SDCBP: variants seen among roughly 807,000 people sequenced by gnomAD.
SDCBP encodes the protein syndecan binding protein.
A neutral mutation model predicts 30.5 loss-of-function variants in SDCBP; 22 were observed. The observed-to-expected ratio is 0.72, with a 90% confidence interval of 0.52 to 1.03. The LOEUF (loss-of-function observed/expected upper bound fraction) is 1.03, where lower values mean the gene tolerates loss of function less well. SDCBP is among the 50% of genes least tolerant of loss of function. SDCBP has a pLI of 0.00. For missense variants in SDCBP, 304 were observed against 369.9 expected, an observed-to-expected ratio of 0.82 and a Z score of 1.46; for synonymous variants, 103 against 118.7, an observed-to-expected ratio of 0.87 and a Z score of 0.86.
At chr8:58,578,807 A>G (rs1382709788) in intron 6 of SDCBP, among the ~76,000 whole-genome samples, 1 of 152,184 alleles carries the variant, frequency 6.6e-6, no homozygotes, top group Non-Finnish European at 1.5e-5. Context: ...TTCTCAGTGA[A>G]ACTTCTGTTT....
At chr8:58,566,324 C>G (rs1304537957) in intron 2 of SDCBP, among the ~76,000 whole-genome samples, 1 of 152,010 alleles carries the variant, frequency 6.6e-6, no homozygotes, top group Non-Finnish European at 1.5e-5. Context: ...CTAATCTGTT[C>G]TTTGTTTTCA....
chr8:58,572,359 T>A, intron 4 of SDCBP, 45 bp downstream of exon 4: 2 of 1,255,154 alleles, frequency 1.6e-6, no homozygotes, highest in Non-Finnish European at 2.3e-6. Flanking sequence ...AATCATACTT[T>A]ACATGTTAGT....
At chr8:58,573,956 T>C (rs2129608112) in intron 4 of SDCBP, among the ~76,000 whole-genome samples, 1 of 152,262 alleles carries the variant, frequency 6.6e-6, no homozygotes, top group African/African-American at 2.4e-5. Context: ...AAATCAAAGT[T>C]CAAACTTTAT....
chr8:58,568,780 A>C (rs973559598), intron 2 of SDCBP, among the ~76,000 whole-genome samples: 22 of 152,218 alleles, frequency 1.4e-4, no homozygotes, highest in Admixed American at 1.4e-3. Context: ...ACATGACTGT[A>C]TACCATTGTA....
rs1804855417 is a variant in SDCBP at position 58,568,855 on chromosome 8, GA to G, written c.52-2029del. On this transcript the variant is annotated intron_variant, in intron 2 of 8. Transcript: ENST00000260130. ...AATGCCTGTTCTTCCTTCCCTTCTA[GA>G]AACTCCTGGCAACCAATAATTTGCT... 3.3e-5 allele frequency among the ~76,000 whole-genome samples: 5 copies of G among 152,070 alleles called. No homozygotes were observed. The South Asian group carries it at 1.0e-3, about 32-fold the overall frequency.
At chr8:58,570,337 T>C (rs1563510374) in intron 2 of SDCBP, among the ~76,000 whole-genome samples, 1 of 152,184 alleles carries the variant, frequency 6.6e-6, no homozygotes, top group Non-Finnish European at 1.5e-5. Context: ...ATGTCAGTGA[T>C]AAACTGTGCT....
rs1805753856 is a variant in SDCBP, at chr8:58,582,574, G to A, written c.*834G>A. On this transcript the variant is annotated 3_prime_UTR_variant, in exon 9 of 9. Coordinates refer to ENST00000260130, the MANE Select transcript of SDCBP (RefSeq NM_005625.4). The stretch of plus-strand genomic sequence containing the variant: ...ACTTTTAAGAAGTGAATCACTATAT[G>A]TGATGTAAAAGTTATTACACTAAAC... 6.6e-6 allele frequency: 1 copy of A among 152,524 alleles called. No homozygotes were observed. The highest frequency in any genetic ancestry group is 1.5e-5 in the Non-Finnish European group (1 of 68,022). 9.4% of individuals were successfully genotyped at this position (152,524 alleles called of 1,614,324 possible). A position where few individuals can be genotyped will look rare whatever the true frequency, so the allele number is the denominator to read the frequency against.
chr8:58,564,399 T>TA (rs1364601238), intron 1 of SDCBP, among the ~76,000 whole-genome samples: 3 of 152,210 alleles, frequency 2.0e-5, no homozygotes, highest in African/African-American at 7.2e-5. Flanking sequence ...AATTTATAAC[T>TA]AAAAAACATA....
At chr8:58,575,870 A>G in intron 4 of SDCBP, 30 bp from the exon 5 acceptor site, 1 of 1,557,190 alleles carries the variant, frequency 6.4e-7, no homozygotes, top group African/African-American at 1.4e-5. Flanking sequence ...GTGTTTCTAG[A>G]TATTGACACA....
chr8:58,579,567 C>A, intron 6 of SDCBP, 56 bp from the exon 7 acceptor site: 1 of 1,313,072 alleles, frequency 7.6e-7, no homozygotes, highest in Non-Finnish European at 1.0e-6. Flanking sequence ...TATATGAAAT[C>A]CATTAAAATG....
intron 1 of SDCBP, among the ~76,000 whole-genome samples, chr8:58,556,255 C>T (rs554257486): frequency 1.3e-5 from 2 of 152,256 alleles, no homozygotes; most frequent in South Asian, 4.1e-4. Context: ...TCACGAGGAG[C>T]GTTTAACCTA....
At chr8:58,568,107 C>T (rs1367565612) in intron 2 of SDCBP, among the ~76,000 whole-genome samples, 1 of 152,086 alleles carries the variant, frequency 6.6e-6, no homozygotes, top group Non-Finnish European at 1.5e-5. Context: ...ACCTTAGCTT[C>T]CTGTAACTTT....
At position 58,575,957 on chromosome 8, in the gene SDCBP, G is replaced by A. The variant is rs11550277; in HGVS notation, c.298G>A (p.Asp100Asn). 6.2e-7 allele frequency: 1 copy of A among 1,613,624 alleles called. No individual in the cohort carries two copies. The highest frequency in any genetic ancestry group is 8.5e-7 in the Non-Finnish European group (1 of 1,179,674). The change falls in exon 5 of 9, where the codon GAT (aspartate) becomes AAT (asparagine). Residue 100 changes from aspartate to asparagine, a missense_variant. Coordinates refer to ENST00000260130, the MANE Select transcript of SDCBP (RefSeq NM_005625.4). ...TATGGTGGCTCCTGTAACTGGTAAT[G>A]ATGTTGGAATTCGTAGAGCAGAAAT... is the stretch of plus-strand genomic sequence containing the variant. The part of the protein sequence containing the change: ...NYMVAPVTGN[D>N]VGIRRAEIKQ...
chr8:58,573,576 C>T (rs1805156213), intron 4 of SDCBP, among the ~76,000 whole-genome samples: 1 of 152,096 alleles, frequency 6.6e-6, no homozygotes, highest in African/African-American at 2.4e-5. Context: ...CTACTAGTGC[C>T]TCTGAGGGGT....
At chr8:58,568,205 C>G (rs1238126174) in intron 2 of SDCBP, among the ~76,000 whole-genome samples, 1 of 151,924 alleles carries the variant, frequency 6.6e-6, no homozygotes, top group Admixed American at 6.6e-5. Context: ...TCTTTATATC[C>G]TGATTCTATA....
Position 58,576,215 on chromosome 8 carries a change from G to A in SDCBP, c.402+154G>A. ...CTACTAACTTAAATGTTTTCAATTG[G>A]GGATGTTCTATTTTGCAGAGGCATA... On this transcript the variant is annotated intron_variant, in intron 5 of 8. Transcript: ENST00000260130. 4.8e-6 allele frequency: 3 copies of A among 629,500 alleles called. 1 individual carries two copies. In the South Asian group the frequency reaches 6.7e-5, roughly 14 times the overall value. 39.0% of individuals were successfully genotyped at this position (629,500 alleles called of 1,614,324 possible).
chr8:58,578,876 A>G (rs1805503938), intron 6 of SDCBP, among the ~76,000 whole-genome samples: 1 of 152,192 alleles, frequency 6.6e-6, no homozygotes, highest in African/African-American at 2.4e-5. Flanking sequence ...TTTCAGATGA[A>G]TGTCCTTTTT....
chr8:58,582,794 T>TTA lies in SDCBP; in HGVS notation c.*1054_*1055insTA, dbSNP rs1166796613. ...AGTTGACACTTTATCCTGATTTTTT[T>TTA]CTTCTTTTTGGTTTATGTCTATTCT... On this transcript the variant is annotated 3_prime_UTR_variant, in exon 9 of 9. Transcript: ENST00000260130. 1.3e-5 allele frequency: 2 copies of TTA among 152,664 alleles called. No homozygotes were observed. The highest frequency in any genetic ancestry group is 4.8e-5 in the African/African-American group (2 of 41,464). The allele number at this position is 152,664 out of a possible 1,614,324, so 9.5% of individuals were successfully genotyped here. A position where few individuals can be genotyped will look rare whatever the true frequency, so the allele number is the denominator to read the frequency against.
chr8:58,563,640 G>C (rs941619754), intron 1 of SDCBP, among the ~76,000 whole-genome samples: 1 of 152,144 alleles, frequency 6.6e-6, no homozygotes, highest in Non-Finnish European at 1.5e-5. Flanking sequence ...AACAGTGGAG[G>C]TTTAATACAC....
Sources: gnomAD v4.1 joint callset for allele counts (sites outside exome capture counted in the v4.1 genomes callset) on GRCh38, gnomAD v4.1.1 for gene constraint, MANE v1.5 for transcripts, NCBI Gene and HGNC (gene_info 2026-07-23, HGNC 2026-07-21) for gene names.